Variants in NBEA observed in about 807,000 individuals in gnomAD.
NBEA encodes the protein neurobeachin, also known as lysosomal-trafficking regulator 2.
Under a neutral mutation model 343.4 loss-of-function variants are expected in NBEA, and 44 were observed. The ratio of observed to expected loss-of-function variants is 0.13; its 90% CI spans 0.10 to 0.16. NBEA has a LOEUF of 0.16. NBEA is among the 10% of genes least tolerant of loss of function. The pLI is 1.00. For synonymous variants in NBEA, 1,175 were observed against 1,238.7 expected, an observed-to-expected ratio of 0.95 and a Z score of 1.08; for missense variants, 2,555 against 3,631.3, an observed-to-expected ratio of 0.70 and a Z score of 7.62.
intron 41 of NBEA, among the ~76,000 whole-genome samples, chr13:35,528,877 G>A (rs1478489595): frequency 6.6e-6 from 1 of 152,112 alleles, no homozygotes; most frequent in Non-Finnish European, 1.5e-5. Flanking sequence ...TCTGTTTGCT[G>A]ATTGTGATTT....
intron 35 of NBEA, among the ~76,000 whole-genome samples, chr13:35,295,363 T>C (rs2036056900): frequency 1.3e-5 from 2 of 151,916 alleles, no homozygotes; most frequent in Non-Finnish European, 2.9e-5. Flanking sequence ...ACTTTTTCAT[T>C]TTCTAATATC....
chr13:35,454,426 C>G (rs2046456056), intron 40 of NBEA, among the ~76,000 whole-genome samples: 1 of 152,056 alleles, frequency 6.6e-6, no homozygotes, highest in Non-Finnish European at 1.5e-5. Flanking sequence ...AATTATTGTC[C>G]AAATCATGGT....
chr13:35,407,581 C>T (rs1185363877), intron 38 of NBEA, among the ~76,000 whole-genome samples: 2 of 151,580 alleles, frequency 1.3e-5, no homozygotes, highest in Admixed American at 6.6e-5. Flanking sequence ...TGAAGATTTC[C>T]TCTTGAATGA....
intron 36 of NBEA, among the ~76,000 whole-genome samples, chr13:35,344,537 TAAAAC>T (rs1374992814): frequency 2.0e-5 from 3 of 151,330 alleles, no homozygotes; most frequent in African/African-American, 7.3e-5. Flanking sequence ...AAGAACAAAA[TAAAAC>T]AACACAAATA....
chr13:35,221,859 T>G (rs2074388039), intron 33 of NBEA, among the ~76,000 whole-genome samples: 1 of 152,136 alleles, frequency 6.6e-6, no homozygotes, highest in African/African-American at 2.4e-5. Flanking sequence ...TTTCAATCAT[T>G]CAGTTGCTTC....
At chr13:35,044,697 C>T (rs553012700) in intron 2 of NBEA, among the ~76,000 whole-genome samples, 4 of 149,494 alleles carry the variant, frequency 2.7e-5, no homozygotes, top group Middle Eastern at 3.5e-3. Context: ...AGCTTAATTG[C>T]GGTGGTAATT....
intron 35 of NBEA, among the ~76,000 whole-genome samples, chr13:35,301,979 A>C (rs1459478215): frequency 6.6e-6 from 1 of 152,194 alleles, no homozygotes; most frequent in Non-Finnish European, 1.5e-5. Context: ...TTCTAGTTTT[A>C]GTGCTGTCTG....
intron 1 of NBEA, among the ~76,000 whole-genome samples, chr13:34,972,364 G>A (rs986161832): frequency 2.0e-5 from 3 of 151,978 alleles, no homozygotes; most frequent in Non-Finnish European, 4.4e-5. Flanking sequence ...CCTGTCTTCT[G>A]ATAGCTTTGG....
At chr13:35,404,677 A>G (rs1367087214) in intron 38 of NBEA, among the ~76,000 whole-genome samples, 5 of 150,556 alleles carry the variant, frequency 3.3e-5, no homozygotes, top group East Asian at 4.0e-4. Flanking sequence ...TGGGTGCAGC[A>G]CACCAGCATG....
intron 26 of NBEA, 139 bp downstream of exon 26, chr13:35,171,591 T>C: frequency 1.4e-6 from 1 of 738,936 alleles, no homozygotes; most frequent in Non-Finnish European, 1.9e-6. Flanking sequence ...CAGAGATTAT[T>C]TTTATAATTA....
chr13:35,342,005 A>G (rs1200667377), intron 36 of NBEA, among the ~76,000 whole-genome samples: 1 of 152,114 alleles, frequency 6.6e-6, no homozygotes, highest in Non-Finnish European at 1.5e-5. Context: ...ACTATGATAT[A>G]TGCATAAAAT....
At position 35,590,736 on chromosome 13, in the gene NBEA, C is replaced by G. The variant is rs1435574086; in HGVS notation, c.7177-2592C>G. Among the ~76,000 whole-genome samples the G allele has an allele frequency of 6.6e-4, 100 of 152,042 alleles. 1 individual carries two copies. Among genetic ancestry groups the G allele is most frequent in the Non-Finnish European group, 4.4e-5 (3 of 67,988 alleles). ...CTCTAAATTAATCTCTGCCCACTAC[C>G]TACAGTGAAAATTAAATGCCTTACA... On this transcript the variant is annotated intron_variant, in intron 46 of 58. Coordinates refer to ENST00000379939, the MANE Select transcript of NBEA (RefSeq NM_001385012.1).
chr13:35,543,640 A>G (rs1260075997), intron 41 of NBEA, among the ~76,000 whole-genome samples: 2 of 152,184 alleles, frequency 1.3e-5, no homozygotes. Flanking sequence ...ACTCCAGTCA[A>G]TACACCATAG....
In NBEA at chr13:35,016,659, C is replaced by G. The variant is rs141788971; in HGVS notation, c.295-24274C>G. Among the ~76,000 whole-genome samples the G allele has an allele frequency of 4.0e-4, 61 of 151,906 alleles. 1 individual carries two copies. The East Asian group carries it at 0.012, about 29-fold the overall frequency. ...TAATTTGAGACAGATTGTATACACA[C>G]AAATCAAGTATAGATTATGTAGTGC... is the stretch of plus-strand genomic sequence containing the variant. On this transcript the variant is annotated intron_variant, in intron 1 of 58. Coordinates refer to ENST00000379939, the MANE Select transcript of NBEA (RefSeq NM_001385012.1).
chr13:34,947,622 G>A (rs1243363898), intron 1 of NBEA, among the ~76,000 whole-genome samples: 2 of 152,076 alleles, frequency 1.3e-5, no homozygotes, highest in Admixed American at 1.3e-4. Flanking sequence ...AGTTATTTAT[G>A]TGTGTTTCCC....
intron 16 of NBEA, among the ~76,000 whole-genome samples, chr13:35,119,730 C>T (rs570589906): frequency 6.6e-6 from 1 of 152,174 alleles, no homozygotes; most frequent in South Asian, 2.1e-4. Context: ...GGACTACAGG[C>T]GCCTGCCACA....
At position 35,531,706 on chromosome 13, in the gene NBEA, A is replaced by G. The variant is rs117096954; in HGVS notation, c.6586-18771A>G. On this transcript the variant is annotated intron_variant, in intron 41 of 58. Coordinates refer to ENST00000379939, the MANE Select transcript of NBEA (RefSeq NM_001385012.1). ...CAGTTCCCATAGATAGAGCATTTCA[A>G]TATAATCCAATTTTAATTGAGCTCC... Among the ~76,000 whole-genome samples, 1,116 of 152,304 alleles carry G rather than the reference A, an allele frequency of 7.3e-3. 19 individuals are homozygous for G. Among genetic ancestry groups the G allele is most frequent in the East Asian group, 0.064 (334 of 5,186 alleles).
intron 38 of NBEA, among the ~76,000 whole-genome samples, chr13:35,386,373 C>T (rs1566060177): frequency 6.6e-6 from 1 of 152,056 alleles, no homozygotes; most frequent in Non-Finnish European, 1.5e-5. Flanking sequence ...TTCTCTGTCC[C>T]CAAAATATTT....
intron 47 of NBEA, among the ~76,000 whole-genome samples, chr13:35,600,840 T>C (rs974609351): frequency 1.3e-5 from 2 of 152,134 alleles, no homozygotes; most frequent in Admixed American, 6.6e-5. Flanking sequence ...CTTCCCCCTT[T>C]ATCTTCAACT....
Sources: allele counts gnomAD v4.1 joint callset (sites outside exome capture counted in the v4.1 genomes callset), GRCh38; gene constraint gnomAD v4.1.1; transcripts MANE v1.5; gene names NCBI Gene and HGNC (gene_info 2026-07-23, HGNC 2026-07-21).